The following GRIP1 variants were observed in gnomAD, a reference collection of about 807,000 sequenced individuals.
GRIP1 encodes the protein glutamate receptor interacting protein 1, also known as glutamate receptor-interacting protein 1.
GRIP1 carries 45 observed loss-of-function variants against 129.9 expected under a neutral mutation model. The observed-to-expected ratio is 0.35, with a 90% CI of 0.27 to 0.44. The LOEUF (loss-of-function observed/expected upper bound fraction) is 0.44, where lower values mean the gene tolerates loss of function less well. Ranked by LOEUF, GRIP1 falls within the 20% of genes least tolerant of loss-of-function variation. The probability of loss-of-function intolerance (pLI) is 1.00; values close to 1 mark genes in which losing one functional copy is unlikely to be tolerated. For synonymous variants in GRIP1, 530 were observed against 520.8 expected (o/e 1.02, Z -0.24); for missense variants, 1,196 against 1,396.8 (o/e 0.86, Z 2.29).
rs115269926 is a variant in GRIP1, at chr12:66,897,808, G to T, written c.58+171242C>A. Reference sequence around the variant, plus strand: ...TGAAATACCTTTCTAATGTTTCCTTGTTCAAGATGTAAGTGTGAATCCAAA... The same window carrying T: ...TGAAATACCTTTCTAATGTTTCCTTTTTCAAGATGTAAGTGTGAATCCAAA... On this transcript the variant is annotated intron_variant, in intron 1 of 1. Transcript: ENST00000643019. Among the ~76,000 whole-genome samples the T allele has an allele frequency of 3.9e-3, 594 of 152,238 alleles. 4 individuals are homozygous for T. Among genetic ancestry groups the T allele is most frequent in the African/African-American group, 0.014 (568 of 41,506 alleles).
chr12:66,414,954 T>C (rs1302290431), intron 15 of GRIP1, among the ~76,000 whole-genome samples: 2 of 145,688 alleles, frequency 1.4e-5, no homozygotes, highest in Admixed American at 1.4e-4. Flanking sequence ...TAAAATAAAA[T>C]AAAATAAAAT....
chr12:66,579,615 A>C (rs1446741797), intron 2 of GRIP1, among the ~76,000 whole-genome samples: 1 of 152,248 alleles, frequency 6.6e-6, no homozygotes, highest in East Asian at 1.9e-4. Flanking sequence ...AGAATGCAGA[A>C]GCCTCAGGAG....
chr12:66,461,303 C>T (rs1430375552), intron 9 of GRIP1, among the ~76,000 whole-genome samples: 1 of 152,100 alleles, frequency 6.6e-6, no homozygotes, highest in Admixed American at 6.5e-5. Flanking sequence ...TCGCTGATAC[C>T]AGAATTTAGC....
chr12:66,451,987 A>G (rs2058820816), intron 11 of GRIP1, among the ~76,000 whole-genome samples: 1 of 152,198 alleles, frequency 6.6e-6, no homozygotes, highest in Non-Finnish European at 1.5e-5. Context: ...TCTTTCCTTC[A>G]GCTCTTTTCA....
chr12:66,631,736 T>C lies in GRIP1; in HGVS notation c.56-34809A>G, dbSNP rs566637776. Among the ~76,000 whole-genome samples the C allele has an allele frequency of 3.9e-5, 6 of 152,316 alleles. No individual in the cohort carries two copies. The East Asian group carries it at 1.2e-3, about 29-fold the overall frequency. On this transcript the variant is annotated intron_variant, in intron 1 of 24. Transcript: ENST00000359742. ...GGGAGACTGATGACAAATTACAGCATAGTGGTCCTACCATGTGAGTCAGTT... is the reference window on the plus strand; with the variant it reads ...GGGAGACTGATGACAAATTACAGCACAGTGGTCCTACCATGTGAGTCAGTT...
intron 14 of GRIP1, among the ~76,000 whole-genome samples, chr12:66,427,010 C>T (rs548105997): frequency 3.3e-5 from 5 of 152,222 alleles, no homozygotes; most frequent in African/African-American, 4.8e-5. Context: ...AAGGGTACTT[C>T]GGAGTCGGAG....
At chr12:66,702,067 A>G (rs533067778) in intron 1 of GRIP1, among the ~76,000 whole-genome samples, 144 of 152,302 alleles carry the variant, frequency 9.5e-4, no homozygotes, top group Admixed American at 3.7e-3. Flanking sequence ...TTCTGGTCAT[A>G]AACGATGAGA....
chr12:67,005,738 G>A (rs748424704), intron 1 of GRIP1, among the ~76,000 whole-genome samples: 38 of 152,110 alleles, frequency 2.5e-4, no homozygotes, highest in Admixed American at 1.3e-4. Flanking sequence ...TGGGAGGTAG[G>A]TATCATTATC....
intron 1 of GRIP1, among the ~76,000 whole-genome samples, chr12:67,040,564 C>T (rs751472214): frequency 5.9e-5 from 9 of 152,268 alleles, no homozygotes; most frequent in Non-Finnish European, 1.0e-4. Flanking sequence ...TTGTCGTTTA[C>T]GTGTTTAGAC....
In GRIP1 at chr12:66,545,161, T is replaced by C. The variant is rs935160516; in HGVS notation, c.137-3211A>G. On this transcript the variant is annotated intron_variant, in intron 2 of 24. Coordinates refer to ENST00000359742, the MANE Select transcript of GRIP1 (RefSeq NM_001366722.1). ...TTTGACTTTTTCCTTAATCACCATA[T>C]TTATTTATCTTAGAAAATAAATGGT... 2.0e-5 allele frequency among the ~76,000 whole-genome samples: 3 copies of C among 152,156 alleles called. No individual in the cohort carries two copies. In the East Asian group the frequency reaches 5.8e-4, roughly 29 times the overall value.
chr12:66,735,339 T>C (rs1047149795), intron 1 of GRIP1, among the ~76,000 whole-genome samples: 2 of 152,118 alleles, frequency 1.3e-5, no homozygotes, highest in African/African-American at 4.8e-5. Context: ...TTCTGAGGCA[T>C]AGGAAAAAGA....
intron 19 of GRIP1, among the ~76,000 whole-genome samples, chr12:66,388,399 A>T (rs1347326972): frequency 6.6e-6 from 1 of 152,220 alleles, no homozygotes. Flanking sequence ...CTGAGTTGAG[A>T]GTCCAAAGTT....
At chr12:66,698,240 G>A (rs1415944426) in intron 1 of GRIP1, among the ~76,000 whole-genome samples, 1 of 152,110 alleles carries the variant, frequency 6.6e-6, no homozygotes, top group Non-Finnish European at 1.5e-5. Context: ...GAATTAACAT[G>A]TCAAAAATGT....
At chr12:66,483,003 C>G (rs189073445) in intron 7 of GRIP1, among the ~76,000 whole-genome samples, 1 of 152,140 alleles carries the variant, frequency 6.6e-6, no homozygotes, top group Admixed American at 6.5e-5. Flanking sequence ...ACAGAAGATA[C>G]GCTGATGACT....
intron 1 of GRIP1, among the ~76,000 whole-genome samples, chr12:66,894,800 T>C (rs2040718118): frequency 6.6e-6 from 1 of 152,158 alleles, no homozygotes. Context: ...AATGGCAACT[T>C]TTCCAGTTAC....
At chr12:67,001,234 C>A (rs74098171) in intron 1 of GRIP1, among the ~76,000 whole-genome samples, 2,825 of 152,238 alleles carry the variant, frequency 0.019, 91 homozygotes, top group African/African-American at 0.064. Context: ...CAGCTCTTTG[C>A]CTTAAAAGGG....
intron 1 of GRIP1, among the ~76,000 whole-genome samples, chr12:66,934,044 C>A (rs2041443833): frequency 6.6e-6 from 1 of 152,182 alleles, no homozygotes; most frequent in Non-Finnish European, 1.5e-5. Context: ...CATATTCCCA[C>A]AAGAGCACCT....
chr12:66,924,763 C>G (rs879450535), intron 1 of GRIP1, among the ~76,000 whole-genome samples: 15 of 152,154 alleles, frequency 9.9e-5, no homozygotes, highest in Non-Finnish European at 1.8e-4. Flanking sequence ...GTCAGGAGAT[C>G]GAGACCATCC....
At chr12:66,530,580 G>T (rs1398362242) in intron 4 of GRIP1, among the ~76,000 whole-genome samples, 2 of 152,064 alleles carry the variant, frequency 1.3e-5, no homozygotes, top group Non-Finnish European at 2.9e-5. Context: ...TAACAAAATG[G>T]AATTGTATTG....
Sources: gnomAD v4.1 joint callset for allele counts (sites outside exome capture counted in the v4.1 genomes callset) on GRCh38, gnomAD v4.1.1 for gene constraint, MANE v1.5 for transcripts, NCBI Gene and HGNC (gene_info 2026-07-23, HGNC 2026-07-21) for gene names.